PTPRD: variants seen among roughly 807,000 people sequenced by gnomAD.
PTPRD encodes the protein protein tyrosine phosphatase receptor type D.
PTPRD carries 34 observed loss-of-function variants against 214.5 expected under a neutral mutation model. The ratio of observed to expected loss-of-function variants is 0.16; its 90% CI spans 0.12 to 0.21. The LOEUF (loss-of-function observed/expected upper bound fraction) is 0.21. Among genes scored for constraint, PTPRD ranks in the 10% least tolerant of loss-of-function variants. The pLI is 1.00. For missense variants in PTPRD, 2,545 were observed against 2,398.7 expected, an observed-to-expected ratio of 1.06 and a Z score of -1.27; for synonymous variants, 1,128 against 845.7, an observed-to-expected ratio of 1.33 and a Z score of -5.79.
chr9:9,993,991 A>G (rs2154082680), intron 4 of PTPRD, among the ~76,000 whole-genome samples: 1 of 152,286 alleles, frequency 6.6e-6, no homozygotes, highest in East Asian at 1.9e-4. Flanking sequence ...ATGATTCTAA[A>G]TCATGTGTAC....
At chr9:8,825,888 T>G (rs970096304) in intron 11 of PTPRD, among the ~76,000 whole-genome samples, 2 of 152,156 alleles carry the variant, frequency 1.3e-5, no homozygotes, top group African/African-American at 4.8e-5. Flanking sequence ...ATGCCACAAT[T>G]GTTGCCATTT....
At chr9:8,486,385 A>G (rs748526670) in intron 27 of PTPRD, 36 bp from the exon 28 acceptor site, 1 of 1,537,268 alleles carries the variant, frequency 6.5e-7, no homozygotes, top group Non-Finnish European at 9.0e-7. Context: ...AGACCAACCA[A>G]TCTGAACGTT....
intron 5 of PTPRD, among the ~76,000 whole-genome samples, chr9:9,905,664 T>C (rs2077394001): frequency 6.6e-6 from 1 of 151,988 alleles, no homozygotes; most frequent in Admixed American, 6.6e-5. Context: ...CAAGATATCA[T>C]GTAATTAAAT....
chr9:9,364,435 A>G (rs2057271985), intron 9 of PTPRD, among the ~76,000 whole-genome samples: 1 of 151,456 alleles, frequency 6.6e-6, no homozygotes, highest in Non-Finnish European at 1.5e-5. Flanking sequence ...TGAGACATGG[A>G]CAGTTGCAAT....
chr9:9,479,669 G>C (rs2095312830), intron 8 of PTPRD, among the ~76,000 whole-genome samples: 1 of 152,054 alleles, frequency 6.6e-6, no homozygotes, highest in African/African-American at 2.4e-5. Context: ...GATAATAAAT[G>C]ATGGCAATCA....
intron 39 of PTPRD, among the ~76,000 whole-genome samples, chr9:8,372,015 CT>C (rs1402740397): frequency 1.3e-5 from 2 of 152,100 alleles, no homozygotes; most frequent in East Asian, 1.9e-4. Flanking sequence ...CATTAAGTTC[CT>C]TTAACAGCAT....
chr9:9,905,753 A>G (rs2077412395), intron 5 of PTPRD, among the ~76,000 whole-genome samples: 1 of 152,012 alleles, frequency 6.6e-6, no homozygotes, highest in East Asian at 1.9e-4. Flanking sequence ...CCAAAACTGG[A>G]CGAGTAGATA....
chr9:9,324,854 G>A (rs973013854), intron 9 of PTPRD, among the ~76,000 whole-genome samples: 6 of 152,178 alleles, frequency 3.9e-5, no homozygotes, highest in African/African-American at 1.4e-4. Flanking sequence ...AATCCATGTT[G>A]AAATAGTTTT....
intron 9 of PTPRD, among the ~76,000 whole-genome samples, chr9:9,255,219 G>A (rs1182255626): frequency 1.3e-5 from 2 of 151,964 alleles, no homozygotes; most frequent in African/African-American, 2.4e-5. Flanking sequence ...AATAAAATAT[G>A]TTTGCTTTGA....
chr9:9,293,778 A>C (rs1479461535), intron 9 of PTPRD, among the ~76,000 whole-genome samples: 1 of 151,652 alleles, frequency 6.6e-6, no homozygotes, highest in East Asian at 1.9e-4. Context: ...TTTCCATCTT[A>C]ACTAAGCAGT....
intron 22 of PTPRD, among the ~76,000 whole-genome samples, chr9:8,505,637 A>T (rs1482901616): frequency 6.6e-6 from 1 of 150,616 alleles, no homozygotes; most frequent in African/African-American, 2.4e-5. Context: ...AAAAAAAAAA[A>T]AAAAAAAAGA....
chr9:9,943,922 C>A (rs1394195937), intron 4 of PTPRD, among the ~76,000 whole-genome samples: 2 of 152,152 alleles, frequency 1.3e-5, no homozygotes, highest in Non-Finnish European at 2.9e-5. Context: ...GCTCCTTCAC[C>A]AATGTCTCAC....
intron 8 of PTPRD, among the ~76,000 whole-genome samples, chr9:9,571,913 C>A (rs1301454672): frequency 2.6e-5 from 4 of 150,968 alleles, no homozygotes; most frequent in African/African-American, 4.8e-5. Flanking sequence ...AAACATAGAA[C>A]AATGTAACAC....
rs542580740 is a variant in PTPRD at position 8,806,263 on chromosome 9, T to A, written c.-103-72317A>T. Among the ~76,000 whole-genome samples, 1,193 of 147,380 alleles carry A rather than the reference T, an allele frequency of 8.1e-3. 22 individuals carry two copies. The highest frequency in any genetic ancestry group is 0.027 in the African/African-American group (1,063 of 40,106). The stretch of plus-strand genomic sequence containing the variant: ...TTTTTTTGGTGGGGCGGGGGGGGGA[T>A]TTTTAAGGAGCTAACTTAATGTGCA... On this transcript the variant is annotated intron_variant, in intron 11 of 45. Coordinates refer to ENST00000381196, the MANE Select transcript of PTPRD (RefSeq NM_002839.4).
chr9:8,854,762 C>T (rs573869768), intron 11 of PTPRD, among the ~76,000 whole-genome samples: 6 of 152,270 alleles, frequency 3.9e-5, no homozygotes, highest in Admixed American at 3.9e-4. Context: ...ACTTGTACAG[C>T]GCTTACAAAG....
chr9:10,472,409 T>C (rs1353618575), intron 2 of PTPRD, among the ~76,000 whole-genome samples: 7 of 152,150 alleles, frequency 4.6e-5, no homozygotes, highest in Admixed American at 4.6e-4. Flanking sequence ...TTATAATTTA[T>C]CTTTTGCAAA....
intron 39 of PTPRD, among the ~76,000 whole-genome samples, chr9:8,357,691 A>G (rs1211204307): frequency 6.6e-6 from 1 of 152,188 alleles, no homozygotes; most frequent in Non-Finnish European, 1.5e-5. Flanking sequence ...TTCGGGGCCA[A>G]TAAATGCTTC....
chr9:9,021,470 A>C (rs751222659), intron 10 of PTPRD, among the ~76,000 whole-genome samples: 3 of 152,314 alleles, frequency 2.0e-5, no homozygotes, highest in East Asian at 3.9e-4. Flanking sequence ...TTGATAATCA[A>C]TGACTATGTT....
At chr9:8,730,550 G>A (rs760844638) in intron 12 of PTPRD, among the ~76,000 whole-genome samples, 2 of 152,188 alleles carry the variant, frequency 1.3e-5, no homozygotes, top group Non-Finnish European at 2.9e-5. Flanking sequence ...AAGTGATTTC[G>A]TTAGAGTGAA....
Sources: allele counts gnomAD v4.1 joint callset (sites outside exome capture counted in the v4.1 genomes callset), GRCh38; gene constraint gnomAD v4.1.1; transcripts MANE v1.5; gene names NCBI Gene and HGNC (gene_info 2026-07-23, HGNC 2026-07-21).